DISC1: variants seen among roughly 807,000 people sequenced by gnomAD.
DISC1 encodes DISC1 scaffold protein, also known as disrupted in schizophrenia 1 protein.
DISC1 carries 57 observed loss-of-function variants against 84.5 expected under a neutral mutation model. The observed-to-expected ratio is 0.67, with a 90% CI of 0.55 to 0.84. The LOEUF (loss-of-function observed/expected upper bound fraction) is 0.84. Ranked by LOEUF, DISC1 falls within the 40% of genes least tolerant of loss-of-function variation. The probability of loss-of-function intolerance (pLI) is 0.00; values close to 1 mark genes in which losing one functional copy is unlikely to be tolerated. For synonymous variants in DISC1, 411 were observed against 415.2 expected (o/e 0.99, Z 0.12); for missense variants, 1,000 against 1,057.8 (o/e 0.95, Z 0.76).
rs1670638335 is a variant in DISC1 at position 232,038,142 on chromosome 1, T to C, written c.*1311T>C. The C allele has an allele frequency of 6.6e-6, 1 of 152,160 alleles. No individual in the cohort carries two copies. The highest frequency in any genetic ancestry group is 2.4e-5 in the African/African-American group (1 of 41,400). The allele number at this position is 152,160 out of a possible 1,614,324, so 9.4% of individuals were successfully genotyped here. A position where few individuals can be genotyped will look rare whatever the true frequency, so the allele number is the denominator to read the frequency against. On this transcript the variant is annotated 3_prime_UTR_variant, in exon 13 of 13. Coordinates refer to ENST00000439617, the MANE Select transcript of DISC1 (RefSeq NM_018662.3). ...GGCAGTGAATTGCTTAGTAACACAGTGTAGTGCTCAGTAGGACAGCATAGT... is the reference window on the plus strand; with the variant it reads ...GGCAGTGAATTGCTTAGTAACACAGCGTAGTGCTCAGTAGGACAGCATAGT...
At chr1:231,648,927 C>T (rs923882297) in intron 1 of DISC1, among the ~76,000 whole-genome samples, 47 of 151,908 alleles carry the variant, frequency 3.1e-4, no homozygotes, top group African/African-American at 1.1e-3. Context: ...TTTTTTATTG[C>T]GTCTGTTTTA....
chr1:231,821,590 C>T (rs16855093), intron 9 of DISC1, among the ~76,000 whole-genome samples: 9,983 of 152,162 alleles, frequency 0.066, 599 homozygotes, highest in East Asian at 0.35. Context: ...ATCTATCTTC[C>T]AAGCCTTGAA....
At chr1:231,932,949 A>G (rs997938195) in intron 9 of DISC1, among the ~76,000 whole-genome samples, 2 of 152,204 alleles carry the variant, frequency 1.3e-5, no homozygotes, top group African/African-American at 4.8e-5. Flanking sequence ...CTGAAGCCCA[A>G]TTTATACTCC....
chr1:231,847,270 G>T (rs2083518435), intron 9 of DISC1, among the ~76,000 whole-genome samples: 1 of 151,972 alleles, frequency 6.6e-6, no homozygotes, highest in Non-Finnish European at 1.5e-5. Context: ...TAGGGATGCC[G>T]ATCAGACTGG....
chr1:231,828,780 C>T (rs1017407281), intron 9 of DISC1, among the ~76,000 whole-genome samples: 1 of 152,066 alleles, frequency 6.6e-6, no homozygotes, highest in Non-Finnish European at 1.5e-5. Flanking sequence ...CTCTGTCTGT[C>T]CTTAACCTTA....
intron 4 of DISC1, among the ~76,000 whole-genome samples, chr1:231,760,261 G>T (rs777380048): frequency 3.9e-4 from 59 of 152,098 alleles, no homozygotes; most frequent in Non-Finnish European, 1.0e-4. Context: ...GAATGGCCTT[G>T]GTAATTTAGG....
intron 10 of DISC1, among the ~76,000 whole-genome samples, chr1:231,985,734 G>A (rs1664333213): frequency 6.6e-6 from 1 of 152,152 alleles, no homozygotes; most frequent in African/African-American, 2.4e-5. Context: ...CCAGTAAAGT[G>A]TTTCTGTATT....
At chr1:231,880,976 G>A (rs11583497) in intron 9 of DISC1, among the ~76,000 whole-genome samples, 14 of 152,166 alleles carry the variant, frequency 9.2e-5, no homozygotes, top group African/African-American at 2.9e-4. Context: ...CAAGACAGTA[G>A]GCAGCAAACA....
chr1:231,762,415 G>A (rs1197103759), intron 4 of DISC1, among the ~76,000 whole-genome samples: 1 of 151,294 alleles, frequency 6.6e-6, no homozygotes, highest in Non-Finnish European at 1.5e-5. Flanking sequence ...GCTCACTGCA[G>A]CCTCTAACTC....
chr1:231,935,364 A>C (rs556515808), intron 9 of DISC1, among the ~76,000 whole-genome samples: 20 of 152,272 alleles, frequency 1.3e-4, no homozygotes, highest in African/African-American at 4.8e-4. Context: ...GAAAGCACTA[A>C]ATTTTATTAG....
At chr1:231,640,865 C>T (rs2059587865) in intron 1 of DISC1, among the ~76,000 whole-genome samples, 1 of 152,040 alleles carries the variant, frequency 6.6e-6, no homozygotes, top group East Asian at 1.9e-4. Context: ...TTGGTCTGAC[C>T]CCTGGATTCT....
chr1:231,716,876 G>A (rs1292733262), intron 3 of DISC1, among the ~76,000 whole-genome samples: 2 of 152,114 alleles, frequency 1.3e-5, no homozygotes, highest in African/African-American at 4.8e-5. Flanking sequence ...TGCTCTGGGT[G>A]ATGGACTGGA....
At chr1:231,814,683 A>C (rs985104578) in intron 8 of DISC1, among the ~76,000 whole-genome samples, 1 of 152,062 alleles carries the variant, frequency 6.6e-6, no homozygotes, top group African/African-American at 2.4e-5. Flanking sequence ...TTGTCTGCCA[A>C]ACTGCTAACA....
At chr1:231,722,402 A>G in intron 3 of DISC1, 1 of 1,408,796 alleles carries the variant, frequency 7.1e-7, no homozygotes, top group South Asian at 1.2e-5. Flanking sequence ...GCTCTATGAA[A>G]TAGATCTTTC....
chr1:231,885,067 C>A (rs201584401), intron 9 of DISC1, among the ~76,000 whole-genome samples: 10 of 152,168 alleles, frequency 6.6e-5, no homozygotes, highest in Non-Finnish European at 1.2e-4. Flanking sequence ...GAAAGGCAGC[C>A]TCTTCATTTG....
At chr1:231,656,324 C>T (rs952337274) in intron 1 of DISC1, among the ~76,000 whole-genome samples, 2 of 152,122 alleles carry the variant, frequency 1.3e-5, no homozygotes, top group Non-Finnish European at 2.9e-5. Context: ...TTTCCCAGCA[C>T]CATTTATTGA....
At chr1:231,773,408 A>G (rs988289425) in intron 6 of DISC1, among the ~76,000 whole-genome samples, 3 of 152,278 alleles carry the variant, frequency 2.0e-5, no homozygotes, top group South Asian at 2.1e-4. Context: ...GTTTTGAGAT[A>G]GAGTCTCTCT....
rs377642678 is a variant in DISC1, at chr1:231,771,105, C to T, written c.1634+35C>T. ...ATTTCCTAACTGATTTTGGGTCGCT[C>T]GCCTCTTTGACCTGTTCATTGGAAT... On this transcript the variant is annotated intron_variant, in intron 6 of 12. Coordinates refer to ENST00000439617, the MANE Select transcript of DISC1 (RefSeq NM_018662.3). The T allele has an allele frequency of 2.9e-5, 44 of 1,537,214 alleles. No homozygotes were observed. In the African/African-American group the frequency reaches 4.7e-4, roughly 16 times the overall value.
intron 12 of DISC1, among the ~76,000 whole-genome samples, chr1:232,030,411 A>T (rs1669889094): frequency 6.6e-6 from 1 of 152,182 alleles, no homozygotes; most frequent in African/African-American, 2.4e-5. Context: ...TGATATGTAC[A>T]TTTTTGGCAT....
Sources: allele counts gnomAD v4.1 joint callset (sites outside exome capture counted in the v4.1 genomes callset), GRCh38; gene constraint gnomAD v4.1.1; transcripts MANE v1.5; gene names NCBI Gene and HGNC (gene_info 2026-07-23, HGNC 2026-07-21).